The following ANKRD37 variants were observed in gnomAD, a reference collection of about 807,000 sequenced individuals.
ANKRD37 encodes the protein ankyrin repeat domain 37, also known as ankyrin repeat domain-containing protein 37.
A neutral mutation model predicts 19.7 loss-of-function variants in ANKRD37; 17 were observed. That is an observed-to-expected ratio of 0.86 (90% confidence interval 0.59 to 1.29). The LOEUF is 1.29. Among genes scored for constraint, ANKRD37 ranks in the 50% most tolerant of loss-of-function variants. The pLI is 0.00. For missense variants in ANKRD37, 207 were observed against 190.4 expected, an observed-to-expected ratio of 1.09 and a Z score of -0.51; for synonymous variants, 79 against 74.5, an observed-to-expected ratio of 1.06 and a Z score of -0.31.
Position 185,396,847 on chromosome 4 carries a change from TCTTAC to T in ANKRD37, c.-74_-70del, listed in dbSNP as rs1475113534. The T allele has an allele frequency of 8.6e-6, 13 of 1,504,952 alleles. No homozygotes were observed. Among genetic ancestry groups the T allele is most frequent in the Non-Finnish European group, 1.2e-5 (13 of 1,087,728 alleles). 93.2% of individuals were successfully genotyped at this position (1,504,952 alleles called of 1,614,324 possible). A position where few individuals can be genotyped will look rare whatever the true frequency, so the allele number is the denominator to read the frequency against. ...CCCGTGCTAGGGCCAGCCTGCGCAT[TCTTAC>T]CTGTCGGGGTGCGGCGAGTGTCTCA... On this transcript the variant is annotated 5_prime_UTR_variant, in exon 1 of 5. Coordinates refer to ENST00000335174, the MANE Select transcript of ANKRD37 (RefSeq NM_181726.4).
Position 185,399,609 on chromosome 4 carries a change from T to C in ANKRD37, c.312T>C (p.Ala104=). Reference sequence around the variant, plus strand: ...ACGGGCAAACAGCTGAAGATCTCGCTTGGTCATGTGGATTTCCAGACTGTG... The same window carrying C: ...ACGGGCAAACAGCTGAAGATCTCGCCTGGTCATGTGGATTTCCAGACTGTG... The part of the protein sequence containing the change: ...NKNGQTAEDL[A]WSCGFPDCAK... The change falls in exon 4 of 5, where the codon GCT becomes GCC. Residue 104 remains alanine (A), a synonymous_variant. Coordinates refer to ENST00000335174, the MANE Select transcript of ANKRD37 (RefSeq NM_181726.4). 1 of 1,614,242 alleles carries C rather than the reference T, an allele frequency of 6.2e-7. No homozygotes were observed. Among genetic ancestry groups the C allele is most frequent in the East Asian group, 2.2e-5 (1 of 44,892 alleles).
At chr4:185,399,184 T>A (rs1160156694) in intron 3 of ANKRD37, among the ~76,000 whole-genome samples, 156 bp downstream of exon 3, 1 of 152,228 alleles carries the variant, frequency 6.6e-6, no homozygotes, top group Non-Finnish European at 1.5e-5. Flanking sequence ...GTTGGTGCTA[T>A]CGAATAATAC....
At chr4:185,400,613 T>G (rs913044033), downstream of ANKRD37, 2 of 553,788 alleles carry the variant, frequency 3.6e-6, no homozygotes, top group Non-Finnish European at 6.3e-6. Context: ...GGATTTGAAT[T>G]CCTACTAGCA....
intron 2 of ANKRD37, among the ~76,000 whole-genome samples, chr4:185,398,673 C>A (rs2095508979): frequency 6.6e-6 from 1 of 151,610 alleles, no homozygotes; most frequent in African/African-American, 2.4e-5. Flanking sequence ...GTATCAAAAA[C>A]ACATGACTTC....
Position 185,398,351 on chromosome 4 carries a change from AAAAT to A in ANKRD37, c.181-582_181-579del, listed in dbSNP as rs531841133. ...TTGCAGCTTACCGAGGAAAAAAACA[AAAAT>A]AAAAAGCTTGAATTTAAAAATTCAG... On this transcript the variant is annotated intron_variant, in intron 2 of 4. Transcript: ENST00000335174. Among the ~76,000 whole-genome samples the A allele has an allele frequency of 1.2e-3, 182 of 152,376 alleles. 2 individuals carry two copies. Among genetic ancestry groups the A allele is most frequent in the South Asian group, 1.0e-3 (5 of 4,828 alleles).
rs373722958 is a variant in ANKRD37, at chr4:185,400,080, T to C, written c.*63T>C. ...CATTTCATGCAAATCTATAAGCTCC[T>C]GCTTTTGGCTTTACCATATGTTGTG... is the stretch of plus-strand genomic sequence containing the variant. On this transcript the variant is annotated 3_prime_UTR_variant, in exon 5 of 5. Transcript: ENST00000335174. 2.1e-5 allele frequency: 30 copies of C among 1,440,548 alleles called. No homozygotes were observed. The highest frequency in any genetic ancestry group is 2.6e-5 in the Non-Finnish European group (27 of 1,041,462). 89.2% of individuals were successfully genotyped at this position (1,440,548 alleles called of 1,614,324 possible).
intron 4 of ANKRD37, 97 bp downstream of exon 4, chr4:185,399,870 G>C: frequency 6.4e-7 from 1 of 1,557,342 alleles, no homozygotes; most frequent in Non-Finnish European, 8.7e-7. Context: ...CGTATTTCTA[G>C]TAGTATTGTT....
downstream of ANKRD37, chr4:185,400,541 C>T (rs931542056): frequency 3.9e-6 from 5 of 1,269,620 alleles, no homozygotes; most frequent in South Asian, 1.3e-5. Context: ...TCATGGAAAT[C>T]GTGACATCAG....
chr4:185,398,569 CTAGT>C (rs1171870007), intron 2 of ANKRD37, among the ~76,000 whole-genome samples: 1 of 152,142 alleles, frequency 6.6e-6, no homozygotes, highest in Non-Finnish European at 1.5e-5. Context: ...TAATAGTCCA[CTAGT>C]TACTTAATTC....
rs536545116 is a variant in ANKRD37 at position 185,396,964 on chromosome 4, TCA to T, written c.27+17_27+18del. 2.0e-4 allele frequency: 317 copies of T among 1,613,402 alleles called. 7 individuals are homozygous for T. In the South Asian group the frequency reaches 3.0e-3, roughly 15 times the overall value. On this transcript the variant is annotated intron_variant, in intron 1 of 4. Transcript: ENST00000335174. ...TGCAACCCCGAGGTGAGATTCGGGC[TCA>T]CAGAGCCCGAGCTTTTGTCCTGCAG...
rs1302200506 is a variant in ANKRD37 at position 185,399,645 on chromosome 4, TACA to T, written c.353_355del (p.Thr118del). 1.9e-6 allele frequency: 3 copies of T among 1,614,196 alleles called. No homozygotes were observed. The highest frequency in any genetic ancestry group is 2.5e-6 in the Non-Finnish European group (3 of 1,180,006). On this transcript the variant is annotated inframe_deletion, in exon 4 of 5. Transcript: ENST00000335174. ...GATTTCCAGACTGTGCCAAGTTTCT[TACA>T]ACAATTAAATGTATGCAGACAATAA... is the stretch of plus-strand genomic sequence containing the variant.
At position 185,399,688 on chromosome 4, in the gene ANKRD37, C is replaced by A. The variant is rs760776370; in HGVS notation, c.391C>A (p.Pro131Thr). The A allele has an allele frequency of 8.1e-6, 13 of 1,613,952 alleles. No homozygotes were observed. The African/African-American group carries it at 1.2e-4, about 15-fold the overall frequency. ...CMQTIKASEH[P>T]DRNDCVAVLR... Reference sequence around the variant, plus strand: ...GCAGACAATAAAAGCAAGTGAACACCCTGACAGGAATGATTGTGTTGCCGT... The same window carrying A: ...GCAGACAATAAAAGCAAGTGAACACACTGACAGGAATGATTGTGTTGCCGT... The change falls in exon 4 of 5, where the codon CCT (proline) becomes ACT (threonine). Residue 131 changes from proline (P) to threonine (T), a missense_variant. By Grantham distance (38) the Pro-to-Thr change is conservative (BLOSUM62 -1). Transcript: ENST00000335174.
At chr4:185,400,494 G>A (rs775787335), downstream of ANKRD37, 26 of 1,594,934 alleles carry the variant, frequency 1.6e-5, no homozygotes, top group East Asian at 2.7e-4. Flanking sequence ...TAGAGAAGAC[G>A]GGAAAGGAAA....
chr4:185,397,208 C>G lies in ANKRD37; in HGVS notation c.86C>G (p.Pro29Arg). Residue 29 changes from proline (P) to arginine (R), a missense_variant, in exon 2 of 5, where the codon CCC (proline) becomes CGC (arginine). Pro to Arg is a moderately radical substitution (Grantham distance 103). Coordinates refer to ENST00000335174, the MANE Select transcript of ANKRD37 (RefSeq NM_181726.4). ...GCCTCGGTCAACGCACCCCCGGATC[C>G]CTGCAAGCAGTCGCCTGTCCACTTA... ...TGASVNAPPD[P>R]CKQSPVHLAA... is the part of the protein sequence containing the mutation. 2 of 1,614,086 alleles carry G rather than the reference C, an allele frequency of 1.2e-6. No individual in the cohort carries two copies. The highest frequency in any genetic ancestry group is 1.7e-6 in the Non-Finnish European group (2 of 1,180,042).
At chr4:185,397,668 G>C (rs1237326755) in intron 2 of ANKRD37, 1 of 214,160 alleles carries the variant, frequency 4.7e-6, no homozygotes, top group African/African-American at 2.4e-5. Flanking sequence ...TCTCAAATCA[G>C]ACTAGCCACA....
At chr4:185,400,354 T>C (rs201469027), downstream of ANKRD37, 4 of 1,445,034 alleles carry the variant, frequency 2.8e-6, no homozygotes, top group Non-Finnish European at 3.8e-6. Flanking sequence ...CACAAATTTA[T>C]AATACCACTC....
In ANKRD37 at chr4:185,400,228, G is replaced by A; in HGVS notation, c.*211G>A. 1 of 714,306 alleles carries A rather than the reference G, an allele frequency of 1.4e-6. No individual in the cohort carries two copies. The highest frequency in any genetic ancestry group is 2.7e-5 in the East Asian group (1 of 36,458). The allele number at this position is 714,306 out of a possible 1,614,324, so 44.2% of individuals were successfully genotyped here. A position where few individuals can be genotyped will look rare whatever the true frequency, so the allele number is the denominator to read the frequency against. On this transcript the variant is annotated 3_prime_UTR_variant, in exon 5 of 5. Coordinates refer to ENST00000335174, the MANE Select transcript of ANKRD37 (RefSeq NM_181726.4). ...TGCTTTGTCTTTTAAGTTATTAAAG[G>A]AACGTCTAAAAAATACATTCTCCGT... is the stretch of plus-strand genomic sequence containing the variant.
chr4:185,397,542 G>A (rs1379957669), intron 2 of ANKRD37: 9 of 494,744 alleles, frequency 1.8e-5, no homozygotes, highest in Non-Finnish European at 2.8e-5. Context: ...TGAAATTTTA[G>A]TATTTGACCC....
chr4:185,399,128 C>A, intron 3 of ANKRD37, 100 bp downstream of exon 3: 2 of 974,790 alleles, frequency 2.1e-6, no homozygotes, highest in Non-Finnish European at 3.2e-6. Flanking sequence ...ATAATGCTTG[C>A]GTAATTGATA....
Sources: gnomAD v4.1 joint callset for allele counts (sites outside exome capture counted in the v4.1 genomes callset) on GRCh38, gnomAD v4.1.1 for gene constraint, MANE v1.5 for transcripts, NCBI Gene and HGNC (gene_info 2026-07-23, HGNC 2026-07-21) for gene names.